ZNF320: variants seen among roughly 807,000 people sequenced by gnomAD.
ZNF320 encodes zinc finger gene 320.
ZNF320 carries 2 observed loss-of-function variants against 6.8 expected under a neutral mutation model. The observed-to-expected ratio is 0.29, with a 90% CI of 0.12 to 0.93. The LOEUF (loss-of-function observed/expected upper bound fraction) is 0.93, where lower values mean the gene tolerates loss of function less well. Among genes scored for constraint, ZNF320 ranks in the 40% least tolerant of loss-of-function variants. The probability of loss-of-function intolerance (pLI) is 0.55; values close to 1 mark genes in which losing one functional copy is unlikely to be tolerated. For synonymous variants in ZNF320, 208 were observed against 203.2 expected (o/e 1.02, Z -0.20); for missense variants, 472 against 611.0 (o/e 0.77, Z 2.40).
chr19:52,863,569 C>T (rs2063498704), exon 6 of ZNF320, among the ~76,000 whole-genome samples: 1 of 150,794 alleles, frequency 6.6e-6, no homozygotes, highest in African/African-American at 2.4e-5. Flanking sequence ...TGCCACTGCA[C>T]TCCAGCCTGG....
intron 5 of ZNF320, among the ~76,000 whole-genome samples, chr19:52,868,165 A>G (rs994362317): frequency 3.9e-5 from 6 of 152,180 alleles, no homozygotes; most frequent in African/African-American, 1.4e-4. Context: ...AGCCTGTCAT[A>G]TAAAAGCTGC....
chr19:52,868,273 G>T (rs1476763548), intron 5 of ZNF320, among the ~76,000 whole-genome samples: 1 of 152,040 alleles, frequency 6.6e-6, no homozygotes, highest in Admixed American at 6.6e-5. Flanking sequence ...TTGGAAGACC[G>T]CGGTGGGTGG....
At chr19:52,872,597 G>A (rs928052675), downstream of ZNF320, among the ~76,000 whole-genome samples, 1 of 152,150 alleles carries the variant, frequency 6.6e-6, no homozygotes, top group Non-Finnish European at 1.5e-5. Flanking sequence ...CGCCTCCCGG[G>A]TTCATGCCAT....
At chr19:52,863,632 A>T (rs2063499545) in exon 6 of ZNF320, among the ~76,000 whole-genome samples, 1 of 152,048 alleles carries the variant, frequency 6.6e-6, no homozygotes, top group African/African-American at 2.4e-5. Flanking sequence ...AAAAGAACTA[A>T]AATATGGGAA....
downstream of ZNF320, chr19:52,876,066 G>C (rs1268037994): frequency 6.6e-6 from 1 of 152,126 alleles, no homozygotes; most frequent in African/African-American, 2.4e-5. Flanking sequence ...GTCCATCCTT[G>C]AACATCTGCA....
chr19:52,901,946 A>G (rs2064572587), upstream of ZNF320, among the ~76,000 whole-genome samples: 1 of 152,056 alleles, frequency 6.6e-6, no homozygotes, highest in African/African-American at 2.4e-5. Context: ...CATAGAGTGC[A>G]AAGAGTTTTG....
Position 52,896,401 on chromosome 19 carries a change from T to C in ZNF320, c.-270+1119A>G, listed in dbSNP as rs141789061. 1.4e-3 allele frequency among the ~76,000 whole-genome samples: 206 copies of C among 152,308 alleles called. 1 individual carries two copies. Among genetic ancestry groups the C allele is most frequent in the African/African-American group, 3.8e-3 (156 of 41,564 alleles). On this transcript the variant is annotated intron_variant, in intron 1 of 5. Transcript: ENST00000682928. ...CCATTGCACACGGCCTTTATTTTTA[T>C]TTATTTATTTTTTAATTAAGAAACA...
rs2063832930 is a variant in ZNF320 at position 52,878,810 on chromosome 19, CA to C, written c.*1785del. 1 of 152,204 alleles carries C rather than the reference CA, an allele frequency of 6.6e-6. No homozygotes were observed. Among genetic ancestry groups the C allele is most frequent in the Non-Finnish European group, 1.5e-5 (1 of 68,076 alleles). The allele number at this position is 152,204 out of a possible 1,614,324, so 9.4% of individuals were successfully genotyped here. ...AGCCATCCTCCCACTGCAGACTCCA[CA>C]GAAGCTGAACCAGCAGACATGTGCC... is the stretch of plus-strand genomic sequence containing the variant. On this transcript the variant is annotated 3_prime_UTR_variant, in exon 6 of 6. Coordinates refer to ENST00000682928, the MANE Select transcript of ZNF320 (RefSeq NM_001351774.2).
At chr19:52,883,517 C>T (rs1490001478) in intron 5 of ZNF320, 10 of 408,478 alleles carry the variant, frequency 2.4e-5, no homozygotes, top group East Asian at 8.2e-5. Context: ...AGTTACCACC[C>T]GTACACAACA....
upstream of ZNF320, among the ~76,000 whole-genome samples, chr19:52,897,989 A>G (rs2064526199): frequency 6.6e-6 from 1 of 152,232 alleles, no homozygotes; most frequent in Non-Finnish European, 1.5e-5. Context: ...TCATTGAAAT[A>G]GTACCTCCCT....
intron 5 of ZNF320, among the ~76,000 whole-genome samples, chr19:52,886,523 C>T (rs574260035): frequency 6.6e-6 from 1 of 152,328 alleles, no homozygotes; most frequent in South Asian, 2.1e-4. Flanking sequence ...TATATCAATA[C>T]AACGCACTTC....
chr19:52,884,408 C>T (rs2064013329), intron 5 of ZNF320, among the ~76,000 whole-genome samples: 3 of 152,118 alleles, frequency 2.0e-5, no homozygotes, highest in African/African-American at 7.2e-5. Flanking sequence ...ACCTCCACCT[C>T]ATGGGTTCAA....
chr19:52,900,866 A>G (rs2147916512), upstream of ZNF320, among the ~76,000 whole-genome samples: 2 of 152,142 alleles, frequency 1.3e-5, no homozygotes, highest in Non-Finnish European at 2.9e-5. Flanking sequence ...ACATAAGACT[A>G]GTATTGACAC....
At chr19:52,885,716 C>T (rs2064055548) in intron 5 of ZNF320, among the ~76,000 whole-genome samples, 1 of 147,194 alleles carries the variant, frequency 6.8e-6, no homozygotes, top group South Asian at 2.2e-4. Context: ...AACTCTGTCT[C>T]AAAAAAATAA....
Position 52,881,083 on chromosome 19 carries a change from CTA to C in ZNF320, c.1041_1042del (p.His347GlnfsTer13). ...TGGTTTCTCTCCAGTATGAATCCTCCTATGTCTTTCAAGATGTGATTTGCGAC... is the reference window on the plus strand; with the variant it reads ...TGGTTTCTCTCCAGTATGAATCCTCCTGTCTTTCAAGATGTGATTTGCGAC... On this transcript the variant is annotated frameshift_variant, in exon 6 of 6. Coordinates refer to ENST00000682928, the MANE Select transcript of ZNF320 (RefSeq NM_001351774.2). LOFTEE classifies it low-confidence loss of function (END_TRUNC). 2 of 1,613,962 alleles carry C rather than the reference CTA, an allele frequency of 1.2e-6. No homozygotes were observed. Among genetic ancestry groups the C allele is most frequent in the East Asian group, 2.2e-5 (1 of 44,860 alleles).
upstream of ZNF320, among the ~76,000 whole-genome samples, chr19:52,899,188 G>A (rs887140402): frequency 2.6e-5 from 4 of 152,290 alleles, no homozygotes; most frequent in African/African-American, 9.6e-5. Flanking sequence ...CAAGAGAGCA[G>A]TAAGCAGCTT....
At chr19:52,887,309 A>G (rs900645598) in intron 5 of ZNF320, among the ~76,000 whole-genome samples, 2 of 152,188 alleles carry the variant, frequency 1.3e-5, no homozygotes, top group Admixed American at 1.3e-4. Context: ...CAACATGGAG[A>G]TAACAGGTCA....
chr19:52,887,062 G>A (rs930884358), intron 5 of ZNF320, among the ~76,000 whole-genome samples: 2 of 150,012 alleles, frequency 1.3e-5, no homozygotes, highest in African/African-American at 2.5e-5. Context: ...AAGAGCAGAG[G>A]GATAAGTGAG....
downstream of ZNF320, among the ~76,000 whole-genome samples, chr19:52,875,974 G>A (rs1427303822): frequency 6.6e-6 from 1 of 152,110 alleles, no homozygotes; most frequent in African/African-American, 2.4e-5. Context: ...TGAAAGAGAG[G>A]CAGTGGTACA....
Sources: allele counts gnomAD v4.1 joint callset (sites outside exome capture counted in the v4.1 genomes callset), GRCh38; gene constraint gnomAD v4.1.1; transcripts MANE v1.5; gene names NCBI Gene and HGNC (gene_info 2026-07-23, HGNC 2026-07-21).